PNPLA7: variants seen among roughly 807,000 people sequenced by gnomAD.
PNPLA7 encodes patatin like domain 7, lysophospholipase, also known as patatin-like phospholipase domain-containing protein 7.
PNPLA7 carries 153 observed loss-of-function variants against 161.7 expected under a neutral mutation model. That is an observed-to-expected ratio of 0.95 (90% confidence interval 0.83 to 1.08). The LOEUF (loss-of-function observed/expected upper bound fraction) is 1.08, where lower values mean the gene tolerates loss of function less well. Ranked by LOEUF, PNPLA7 falls within the 50% of genes least tolerant of loss-of-function variation. PNPLA7 has a pLI of 0.00. For missense variants in PNPLA7, 1,739 were observed against 1,856.6 expected (o/e 0.94, Z 1.16); for synonymous variants, 809 against 782.1 (o/e 1.03, Z -0.57).
chr9:137,462,374 A>T (rs1588524620), intron 30 of PNPLA7, 43 bp from the exon 31 acceptor site: 1 of 1,556,692 alleles, frequency 6.4e-7, no homozygotes, highest in South Asian at 1.2e-5. Flanking sequence ...CCCGGCCCCT[A>T]CCCCGTCCCA....
In PNPLA7 at chr9:137,464,463, C is replaced by T. The variant is rs1180159144; in HGVS notation, c.3040-7G>A. ...TCATCAAGGACGTCATGCCCTGGGG[C>T]CACATGTGGAATTTACAGAAGGCTT... On this transcript the variant is annotated splice_region_variant and splice_polypyrimidine_tract_variant and intron_variant, in intron 26 of 34. Coordinates refer to ENST00000406427, the MANE Select transcript of PNPLA7 (RefSeq NM_001098537.3). 1.2e-6 allele frequency: 2 copies of T among 1,611,942 alleles called. No individual in the cohort carries two copies. Among genetic ancestry groups the T allele is most frequent in the African/African-American group, 1.3e-5 (1 of 74,850 alleles).
Position 137,480,402 on chromosome 9 carries a change from G to A in PNPLA7, c.2490C>T (p.Gly830=). The change falls in exon 23 of 35, where the codon GGC becomes GGT. Residue 830 remains glycine, a synonymous_variant. Transcript: ENST00000406427. The part of the protein sequence containing the change: ...THRIVLYQAD[G]TLTPWTQRCV... ...AGCGCTGGGTCCAGGGTGTGAGCGT[G>A]CCATCTGCCTGGTAGAGCACGATCC... 1 of 1,613,576 alleles carries A rather than the reference G, an allele frequency of 6.2e-7. No individual in the cohort carries two copies. Among genetic ancestry groups the A allele is most frequent in the Non-Finnish European group, 8.5e-7 (1 of 1,179,944 alleles).
intron 8 of PNPLA7, among the ~76,000 whole-genome samples, chr9:137,527,734 T>C (rs1214229392): frequency 6.6e-6 from 1 of 152,224 alleles, no homozygotes; most frequent in Non-Finnish European, 1.5e-5. Context: ...GTCTGTCTGA[T>C]TAGGTATTAG....
rs1376824007 is a variant in PNPLA7, at chr9:137,547,195, T to C, written c.193+114A>G. 1 of 1,076,738 alleles carries C rather than the reference T, an allele frequency of 9.3e-7. No homozygotes were observed. The highest frequency in any genetic ancestry group is 1.6e-5 in the African/African-American group (1 of 63,954). 66.7% of individuals were successfully genotyped at this position (1,076,738 alleles called of 1,614,324 possible). On this transcript the variant is annotated intron_variant, in intron 3 of 34. Coordinates refer to ENST00000406427, the MANE Select transcript of PNPLA7 (RefSeq NM_001098537.3). The surrounding 1 kb of genome is among the most constrained non-coding windows in gnomAD (Gnocchi z 4.6). ...CCTGAGCCCAGACGGGCCATCAGAT[T>C]CTAGCCAAAGCCACCATGCGCTTGA...
At chr9:137,480,589 C>T in intron 22 of PNPLA7, 109 bp from the exon 23 acceptor site, 1 of 1,228,210 alleles carries the variant, frequency 8.1e-7, no homozygotes, top group Non-Finnish European at 1.1e-6. Context: ...GCTGCCCCTT[C>T]CCCTCCCTGC....
intron 8 of PNPLA7, among the ~76,000 whole-genome samples, chr9:137,530,211 C>T (rs922984325): frequency 1.3e-5 from 2 of 152,134 alleles, no homozygotes; most frequent in Non-Finnish European, 1.5e-5. Context: ...GTGATCTGCC[C>T]GCCTCGGCCT....
Position 137,542,647 on chromosome 9 carries a change from C to G in PNPLA7, c.661G>C (p.Asp221His), listed in dbSNP as rs765426525. 3.7e-6 allele frequency: 6 copies of G among 1,605,694 alleles called. No individual in the cohort carries two copies. Among genetic ancestry groups the G allele is most frequent in the Non-Finnish European group, 5.1e-6 (6 of 1,174,940 alleles). ...QDGRLEVCIQ[D>H]TDGTEVVVKE... ...CCCGCCGCCCTGCGACTCACAGTGT[C>G]CTGGATGCAGACCTCCAGCCGCCCG... The change falls in exon 7 of 35, where the codon GAC (aspartate) becomes CAC (histidine). Residue 221 changes from aspartate (D) to histidine (H), a missense_variant. This residue lies in a region of PNPLA7 where 152 missense variants were observed against 193.5 expected (regional missense o/e 0.79). Coordinates refer to ENST00000406427, the MANE Select transcript of PNPLA7 (RefSeq NM_001098537.3).
At chr9:137,496,604 C>G (rs1038417573) in intron 18 of PNPLA7, among the ~76,000 whole-genome samples, 1 of 151,978 alleles carries the variant, frequency 6.6e-6, no homozygotes, top group African/African-American at 2.4e-5. Context: ...CCAGCTACTC[C>G]GGAGGCTGAG....
Position 137,515,437 on chromosome 9 carries a change from C to A in PNPLA7, c.1167G>T (p.Gln389His), listed in dbSNP as rs756023607. 1.3e-4 allele frequency: 209 copies of A among 1,602,894 alleles called. No homozygotes were observed. The highest frequency in any genetic ancestry group is 1.4e-4 in the Non-Finnish European group (170 of 1,175,986). Residue 389 changes from glutamine (Q) to histidine (H), a missense_variant, in exon 12 of 35, where the codon CAG (glutamine) becomes CAT (histidine). This residue lies in a region of PNPLA7 where 481 missense variants were observed against 450.0 expected (regional missense o/e 1.07). Transcript: ENST00000406427. Reference protein sequence around the residue: ...HSVPAPSIRKQILEELEKPGA... With the variant: ...HSVPAPSIRKHILEELEKPGA... ...CGGGCTTCTCCAGCTCCTCCAAGAT[C>A]TGTTTGCGAATGGAAGGCGCGGGGA... is the stretch of plus-strand genomic sequence containing the variant.
intron 14 of PNPLA7, among the ~76,000 whole-genome samples, chr9:137,503,978 GGAA>G (rs1833740540): frequency 2.2e-5 from 1 of 46,378 alleles, no homozygotes; most frequent in African/African-American, 7.4e-5. Flanking sequence ...AGAAGAAGAA[GGAA>G]GAAGAAAGAA....
At chr9:137,501,814 G>A (rs1023176436) in intron 14 of PNPLA7, 87 bp from the exon 15 acceptor site, 37 of 1,362,796 alleles carry the variant, frequency 2.7e-5, no homozygotes, top group Admixed American at 5.9e-5. Flanking sequence ...CTGTTCAGGG[G>A]CAACGAGCGG....
chr9:137,519,532 TC>T (rs1834875124), intron 11 of PNPLA7, among the ~76,000 whole-genome samples: 1 of 152,096 alleles, frequency 6.6e-6, no homozygotes, highest in African/African-American at 2.4e-5. Context: ...TTTGAGGACA[TC>T]CAGCCCACAT....
rs562614722 is a variant in PNPLA7, at chr9:137,505,903, G to C, written c.1326+80C>G. On this transcript the variant is annotated intron_variant, in intron 13 of 34. Coordinates refer to ENST00000406427, the MANE Select transcript of PNPLA7 (RefSeq NM_001098537.3). ...GCAGGTGCCACATGACACCAAAGCC[G>C]GCGGCGCCCCCAATGCACCAGCAAG... The C allele has an allele frequency of 1.1e-5, 17 of 1,532,724 alleles. No homozygotes were observed. In the South Asian group the frequency reaches 2.0e-4, roughly 18 times the overall value. The allele number at this position is 1,532,724 out of a possible 1,614,324, so 94.9% of individuals were successfully genotyped here. A position where few individuals can be genotyped will look rare whatever the true frequency, so the allele number is the denominator to read the frequency against.
intron 14 of PNPLA7, among the ~76,000 whole-genome samples, chr9:137,502,511 C>T (rs1034159628): frequency 2.0e-5 from 3 of 147,676 alleles, no homozygotes; most frequent in African/African-American, 7.6e-5. Flanking sequence ...TGAGAAGAAT[C>T]TGAGCAGCCA....
Position 137,521,717 on chromosome 9 carries a change from C to T in PNPLA7, c.877-1G>A, listed in dbSNP as rs758342995. The T allele has an allele frequency of 2.5e-6, 4 of 1,609,840 alleles. No homozygotes were observed. The East Asian group carries it at 6.7e-5, about 27-fold the overall frequency. ...CCCTCTGCAGCCGCACCATGATGAT[C>T]TGCAAGAACACGCCAGCTGCGCGGT... On this transcript the variant is annotated splice_acceptor_variant, in intron 9 of 34. Transcript: ENST00000406427. LOFTEE classifies it high-confidence loss of function.
chr9:137,502,162 G>A (rs747395146), intron 14 of PNPLA7, among the ~76,000 whole-genome samples: 7 of 152,106 alleles, frequency 4.6e-5, no homozygotes, highest in Non-Finnish European at 7.4e-5. Flanking sequence ...GAGGTGACCC[G>A]GGAGTGCCCA....
chr9:137,529,436 A>T (rs1160163704), intron 8 of PNPLA7, among the ~76,000 whole-genome samples: 1 of 152,186 alleles, frequency 6.6e-6, no homozygotes, highest in Non-Finnish European at 1.5e-5. Flanking sequence ...CACTGTGATC[A>T]TTTATAATGG....
rs542773772 is a variant in PNPLA7, at chr9:137,523,216, C to T, written c.748-359G>A. ...CGTCCTACTCTACGTCCGACATCAG[C>T]GTCGGTACCCCTCGCCAAAGGGCGT... On this transcript the variant is annotated intron_variant, in intron 8 of 34. Coordinates refer to ENST00000406427, the MANE Select transcript of PNPLA7 (RefSeq NM_001098537.3). This position sits in a 1 kb window ranked among gnomAD's most constrained non-coding sequence, Gnocchi z 4.4. 5.9e-5 allele frequency among the ~76,000 whole-genome samples: 9 copies of T among 152,286 alleles called. No individual in the cohort carries two copies. Among genetic ancestry groups the T allele is most frequent in the South Asian group, 2.1e-4 (1 of 4,826 alleles).
At chr9:137,510,086 C>T (rs964302874) in intron 12 of PNPLA7, among the ~76,000 whole-genome samples, 10 of 152,294 alleles carry the variant, frequency 6.6e-5, no homozygotes, top group South Asian at 6.2e-4. Flanking sequence ...CTTGGTCTAG[C>T]GGTGACGCCA....
Sources: allele counts gnomAD v4.1 joint callset (sites outside exome capture counted in the v4.1 genomes callset), GRCh38; gene constraint gnomAD v4.1.1; regional missense constraint gnomAD v4.1.1; non-coding constraint Gnocchi (gnomAD v3.1); transcripts MANE v1.5; gene names NCBI Gene and HGNC (gene_info 2026-07-23, HGNC 2026-07-21).